The following B3GALT1 variants were observed in gnomAD, a reference collection of about 807,000 sequenced individuals.
The protein encoded by B3GALT1 is beta-1,3-galactosyltransferase 1, also known as UDP-Gal:betaGlcNAc beta 1,3-galactosyltransferase, polypeptide 1.
B3GALT1 carries 10 observed loss-of-function variants against 23.2 expected under a neutral mutation model. That is an observed-to-expected ratio of 0.43 (90% CI 0.27 to 0.73). B3GALT1 has a LOEUF of 0.73. Among genes scored for constraint, B3GALT1 ranks in the 30% least tolerant of loss-of-function variants. The pLI is 0.21. For missense variants in B3GALT1, 299 were observed against 405.4 expected (o/e 0.74, Z 2.25); for synonymous variants, 156 against 141.5 (o/e 1.10, Z -0.73).
At chr2:167,809,349 G>A (rs1375368705) in intron 3 of B3GALT1, among the ~76,000 whole-genome samples, 1 of 152,192 alleles carries the variant, frequency 6.6e-6, no homozygotes, top group African/African-American at 2.4e-5. Flanking sequence ...CTTTGGAGGA[G>A]GAGGGGCACT....
At chr2:167,618,197 G>A (rs533634269) in intron 2 of B3GALT1, among the ~76,000 whole-genome samples, 74 of 151,972 alleles carry the variant, frequency 4.9e-4, no homozygotes, top group Non-Finnish European at 5.3e-4. Flanking sequence ...ACTCAGTTTC[G>A]GATTCTTAAC....
At position 167,761,324 on chromosome 2, in the gene B3GALT1, CGTT is replaced by C. The variant is rs1315670348; in HGVS notation, c.-351-57346_-351-57344del. On this transcript the variant is annotated intron_variant, in intron 3 of 4. Transcript: ENST00000392690. ...CAGTTGCCATTATCAGATCCTCCCT[CGTT>C]GGAGAAATGTCATACGTGAAAAAGG... Among the ~76,000 whole-genome samples, 7 of 152,188 alleles carry C rather than the reference CGTT, an allele frequency of 4.6e-5. 1 individual carries two copies. The South Asian group carries it at 1.2e-3, about 27-fold the overall frequency.
chr2:167,401,410 A>T (rs559468740), intron 1 of B3GALT1, among the ~76,000 whole-genome samples: 1 of 152,184 alleles, frequency 6.6e-6, no homozygotes, highest in African/African-American at 2.4e-5. Flanking sequence ...GTAGAGTTCC[A>T]CATTGGGTCC....
At chr2:167,389,536 C>T (rs1031656128) in intron 1 of B3GALT1, among the ~76,000 whole-genome samples, 1 of 152,140 alleles carries the variant, frequency 6.6e-6, no homozygotes, top group Non-Finnish European at 1.5e-5. Context: ...CCAAATACTT[C>T]AAGGCACAAT....
At chr2:167,396,815 T>A (rs1214387654) in intron 1 of B3GALT1, among the ~76,000 whole-genome samples, 2 of 151,906 alleles carry the variant, frequency 1.3e-5, no homozygotes, top group African/African-American at 4.8e-5. Context: ...AAAAGTATAA[T>A]ACTATCCCTC....
intron 4 of B3GALT1, among the ~76,000 whole-genome samples, chr2:167,837,990 C>T (rs1478306342): frequency 1.3e-5 from 2 of 151,890 alleles, no homozygotes; most frequent in East Asian, 1.9e-4. Flanking sequence ...AGAACAAAGA[C>T]ACAACATACC....
chr2:167,668,344 C>T lies in B3GALT1; in HGVS notation c.-352+21378C>T, dbSNP rs1279718759. On this transcript the variant is annotated intron_variant, in intron 3 of 4. Transcript: ENST00000392690. ...CAGCTGCATGCTGGGAGAACCACTG[C>T]TCTCTTCAAAGCTGTCAGACAGGGA... Among the ~76,000 whole-genome samples, 3 of 152,116 alleles carry T rather than the reference C, an allele frequency of 2.0e-5. No individual in the cohort carries two copies. The East Asian group carries it at 5.8e-4, about 29-fold the overall frequency.
intron 3 of B3GALT1, among the ~76,000 whole-genome samples, chr2:167,777,966 T>C (rs1490827617): frequency 2.0e-5 from 3 of 151,946 alleles, no homozygotes; most frequent in Admixed American, 6.6e-5. Context: ...CCAGAGATGC[T>C]GCTAAACATC....
At chr2:167,476,110 G>A (rs1032713478) in intron 1 of B3GALT1, among the ~76,000 whole-genome samples, 1 of 152,120 alleles carries the variant, frequency 6.6e-6, no homozygotes, top group Non-Finnish European at 1.5e-5. Context: ...ACACTCTGAG[G>A]TCTTCAGGGT....
At chr2:167,829,963 C>G (rs1160455404) in intron 4 of B3GALT1, among the ~76,000 whole-genome samples, 2 of 152,156 alleles carry the variant, frequency 1.3e-5, no homozygotes, top group Non-Finnish European at 2.9e-5. Context: ...TAACCACAGT[C>G]TTTTGGGAGG....
chr2:167,367,023 G>A (rs1158471566), intron 1 of B3GALT1, among the ~76,000 whole-genome samples: 2 of 152,164 alleles, frequency 1.3e-5, no homozygotes, highest in Non-Finnish European at 2.9e-5. Flanking sequence ...CCAAACCCAA[G>A]TGGGGAAGAC....
intron 4 of B3GALT1, among the ~76,000 whole-genome samples, chr2:167,848,778 C>G (rs778152431): frequency 2.0e-5 from 3 of 151,286 alleles, no homozygotes; most frequent in Admixed American, 6.6e-5. Flanking sequence ...GAAGGGCATC[C>G]AAATTGGTAA....
At chr2:167,840,013 T>C (rs1689601603) in intron 4 of B3GALT1, among the ~76,000 whole-genome samples, 3 of 152,154 alleles carry the variant, frequency 2.0e-5, no homozygotes, top group Admixed American at 2.0e-4. Flanking sequence ...CCTTACACCT[T>C]ATACAAAAAT....
intron 2 of B3GALT1, among the ~76,000 whole-genome samples, chr2:167,583,962 T>C (rs1399314905): frequency 1.6e-5 from 2 of 125,898 alleles, no homozygotes; most frequent in East Asian, 5.1e-4. Context: ...TAGACATATA[T>C]ACCAAATACC....
At chr2:167,743,593 A>G (rs1272287977) in intron 3 of B3GALT1, among the ~76,000 whole-genome samples, 2 of 152,018 alleles carry the variant, frequency 1.3e-5, no homozygotes, top group African/African-American at 4.8e-5. Flanking sequence ...TCACTTTTCT[A>G]TATTTTAAAT....
chr2:167,792,077 A>G (rs1688447283), intron 3 of B3GALT1, among the ~76,000 whole-genome samples: 1 of 152,144 alleles, frequency 6.6e-6, no homozygotes, highest in African/African-American at 2.4e-5. Context: ...ATCTAAAAAA[A>G]AAAAGAACAA....
chr2:167,380,187 G>T (rs563619124), intron 1 of B3GALT1, among the ~76,000 whole-genome samples: 1 of 152,284 alleles, frequency 6.6e-6, no homozygotes, highest in East Asian at 1.9e-4. Context: ...GAGGTTCTCT[G>T]CACAGAAGGA....
At chr2:167,328,478 T>C (rs931816328) in intron 1 of B3GALT1, among the ~76,000 whole-genome samples, 1 of 152,218 alleles carries the variant, frequency 6.6e-6, no homozygotes, top group African/African-American at 2.4e-5. Flanking sequence ...CCATTTCCTC[T>C]AGGTTGTCCA....
At chr2:167,337,593 AAC>A (rs898281232) in intron 1 of B3GALT1, among the ~76,000 whole-genome samples, 1 of 152,152 alleles carries the variant, frequency 6.6e-6, no homozygotes, top group African/African-American at 2.4e-5. Context: ...TTAAAAAAAA[AAC>A]ACACAACAAA....
Sources: gnomAD v4.1 joint callset for allele counts (sites outside exome capture counted in the v4.1 genomes callset) on GRCh38, gnomAD v4.1.1 for gene constraint, MANE v1.5 for transcripts, NCBI Gene and HGNC (gene_info 2026-07-23, HGNC 2026-07-21) for gene names.